MAP3K10: variants seen among roughly 807,000 people sequenced by gnomAD.
The protein encoded by MAP3K10 is mitogen-activated protein kinase kinase kinase 10.
Under a neutral mutation model 75.0 loss-of-function variants are expected in MAP3K10, and 22 were observed. The ratio of observed to expected loss-of-function variants is 0.29; its 90% CI spans 0.21 to 0.42. The LOEUF is 0.42. Ranked by LOEUF, MAP3K10 falls within the 10% of genes least tolerant of loss-of-function variation. The probability of loss-of-function intolerance (pLI) is 1.00; values close to 1 mark genes in which losing one functional copy is unlikely to be tolerated. For synonymous variants in MAP3K10, 599 were observed against 612.9 expected (o/e 0.98, Z 0.34); for missense variants, 1,165 against 1,379.8 (o/e 0.84, Z 2.47).
chr19:40,207,578 C>G (rs1010037159), intron 5 of MAP3K10, among the ~76,000 whole-genome samples: 7 of 151,866 alleles, frequency 4.6e-5, no homozygotes, highest in African/African-American at 1.7e-4. Context: ...TCTACTAAAA[C>G]TACAAAATTA....
At chr19:40,194,196 A>G (rs559903068) in intron 1 of MAP3K10, among the ~76,000 whole-genome samples, 156 of 152,220 alleles carry the variant, frequency 1.0e-3, no homozygotes, top group Non-Finnish European at 1.9e-3. Flanking sequence ...CCCCTTCTCT[A>G]CTAAAAATAC....
At chr19:40,195,009 C>T (rs1972880074) in intron 1 of MAP3K10, among the ~76,000 whole-genome samples, 1 of 152,100 alleles carries the variant, frequency 6.6e-6, no homozygotes, top group Non-Finnish European at 1.5e-5. Context: ...AAAGGGGACC[C>T]AGCTTTACAA....
Position 40,212,807 on chromosome 19 carries a change from A to G in MAP3K10, c.1555A>G (p.Thr519Ala). 1.3e-6 allele frequency: 2 copies of G among 1,586,960 alleles called. No individual in the cohort carries two copies. The highest frequency in any genetic ancestry group is 1.7e-6 in the Non-Finnish European group (2 of 1,167,966). The change falls in exon 7 of 10, where the codon ACT becomes GCT. Residue 519 changes from threonine (T) to alanine (A), a missense_variant and splice_region_variant. Thr to Ala is a moderately conservative substitution (Grantham distance 58). Transcript: ENST00000253055. The surrounding 1 kb of genome is among the most constrained non-coding windows in gnomAD (Gnocchi z 4.2). ...IIPRLRAIRLTPVDCGGSSSG... is the reference protein window; with the variant it reads ...IIPRLRAIRLAPVDCGGSSSG... ...CCAAGTGGCTTCTCTGGACCCAGTG[A>G]CTCCCGTGGACTGTGGTGGCAGCAG...
chr19:40,197,527 T>C (rs1259969262), intron 1 of MAP3K10, among the ~76,000 whole-genome samples: 4 of 152,182 alleles, frequency 2.6e-5, no homozygotes, highest in African/African-American at 9.7e-5. Context: ...GGTTTCACCA[T>C]GTTGGCCAGG....
At chr19:40,206,335 A>G in intron 5 of MAP3K10, 178 bp downstream of exon 5, 1 of 623,766 alleles carries the variant, frequency 1.6e-6, no homozygotes, top group African/African-American at 1.9e-5. Context: ...TCAGGAGGCC[A>G]AGGTGGGAGG....
intron 1 of MAP3K10, among the ~76,000 whole-genome samples, chr19:40,196,169 G>A (rs1288994336): frequency 6.6e-6 from 1 of 152,168 alleles, no homozygotes; most frequent in African/African-American, 2.4e-5. Flanking sequence ...AAGCAGGGCT[G>A]AGACTCAAAC....
rs1176751508 is a variant in MAP3K10, at chr19:40,198,527, C to T, written c.835C>T (p.Leu279Phe). 7 of 1,613,338 alleles carry T rather than the reference C, an allele frequency of 4.3e-6. No homozygotes were observed. Among genetic ancestry groups the T allele is most frequent in the Admixed American group, 1.7e-5 (1 of 59,926 alleles). ...WMAPEVIRLS[L>F]FSKSSDVWSF... ...GGCGCCGGAGGTTATCCGTCTCTCC[C>T]TCTTCTCCAAAAGCAGTGATGTCTG... The change falls in exon 2 of 10, where the codon CTC (leucine) becomes TTC (phenylalanine). Residue 279 changes from leucine (L) to phenylalanine (F), a missense_variant. Coordinates refer to ENST00000253055, the MANE Select transcript of MAP3K10 (RefSeq NM_002446.4). The surrounding 1 kb of genome is among the most constrained non-coding windows in gnomAD (Gnocchi z 4.3).
At chr19:40,208,345 C>CTTTCTTTTTTTT (rs1555756622) in intron 5 of MAP3K10, among the ~76,000 whole-genome samples, 13 of 55,916 alleles carry the variant, frequency 2.3e-4, no homozygotes, top group Admixed American at 5.6e-4. Flanking sequence ...CTCTTTCTTT[C>CTTTCTTTTTTTT]TTTTTTTTTT....
In MAP3K10 at chr19:40,191,985, G is replaced by C; in HGVS notation, c.-47G>C. On this transcript the variant is annotated 5_prime_UTR_variant, in exon 1 of 10. Transcript: ENST00000253055. ...CCGGGGCCCGCCCTCTGCATCCCGCGGGCAGCCTGTGTGAAGCGGCCTCCC... is the reference window on the plus strand; with the variant it reads ...CCGGGGCCCGCCCTCTGCATCCCGCCGGCAGCCTGTGTGAAGCGGCCTCCC... 6 of 1,295,598 alleles carry C rather than the reference G, an allele frequency of 4.6e-6. No individual in the cohort carries two copies. Among genetic ancestry groups the C allele is most frequent in the Non-Finnish European group, 6.1e-6 (6 of 989,912 alleles). 80.3% of individuals were successfully genotyped at this position (1,295,598 alleles called of 1,614,324 possible).
rs1162192652 is a variant in MAP3K10, at chr19:40,202,231, G to A, written c.864-2254G>A. Among the ~76,000 whole-genome samples, 34 of 152,092 alleles carry A rather than the reference G, an allele frequency of 2.2e-4. 1 individual carries two copies. The highest frequency in any genetic ancestry group is 8.0e-4 in the African/African-American group (33 of 41,412). ...AATTTTTTGTATTTTTAGTAGAGAC[G>A]GGGTTTCACCGTGCTAGCCAGGATG... On this transcript the variant is annotated intron_variant, in intron 2 of 9. Coordinates refer to ENST00000253055, the MANE Select transcript of MAP3K10 (RefSeq NM_002446.4).
chr19:40,200,911 G>A (rs1205732495), intron 2 of MAP3K10, among the ~76,000 whole-genome samples: 1 of 151,362 alleles, frequency 6.6e-6, no homozygotes, highest in Admixed American at 6.6e-5. Flanking sequence ...CACCCGGCCG[G>A]GCAGGCTAAT....
Position 40,213,154 on chromosome 19 carries a change from C to T in MAP3K10, c.1803C>T (p.Pro601=), listed in dbSNP as rs1198278801. 4 of 1,595,908 alleles carry T rather than the reference C, an allele frequency of 2.5e-6. No individual in the cohort carries two copies. The highest frequency in any genetic ancestry group is 3.4e-6 in the Non-Finnish European group (4 of 1,172,382). ...PNLGKSPKHT[P]IAPGFASLNE... is the part of the protein sequence containing the mutation. ...TGGGCAAGTCCCCCAAACACACACC[C>T]ATCGCCCCTGGCTTTGCCAGCCTCA... The change falls in exon 8 of 10, where the codon CCC becomes CCT. Residue 601 remains proline, a synonymous_variant. Coordinates refer to ENST00000253055, the MANE Select transcript of MAP3K10 (RefSeq NM_002446.4). This position sits in a 1 kb window ranked among gnomAD's most constrained non-coding sequence, Gnocchi z 5.7.
rs992556932 is a variant in MAP3K10 at position 40,213,010 on chromosome 19, C to G, written c.1724+34C>G. ...TGGTGTGGTCATGCCCACCCTGTGC[C>G]CAAGCCCCAGCTCCCAGGCTCCAGG... On this transcript the variant is annotated intron_variant, in intron 7 of 9. Coordinates refer to ENST00000253055, the MANE Select transcript of MAP3K10 (RefSeq NM_002446.4). The surrounding 1 kb of genome is among the most constrained non-coding windows in gnomAD (Gnocchi z 5.7). The G allele has an allele frequency of 2.5e-6, 4 of 1,591,988 alleles. No homozygotes were observed. The African/African-American group carries it at 5.4e-5, about 21-fold the overall frequency.
In MAP3K10 at chr19:40,213,092, G is replaced by T; in HGVS notation, c.1741G>T (p.Glu581Ter). The change falls in exon 8 of 10, where the codon GAA (glutamate) becomes TAA (stop). Residue 581 changes from glutamate to a stop codon, truncating the protein, a stop_gained. Coordinates refer to ENST00000253055, the MANE Select transcript of MAP3K10 (RefSeq NM_002446.4). LOFTEE classifies it high-confidence loss of function. The surrounding 1 kb of genome is among the most constrained non-coding windows in gnomAD (Gnocchi z 5.7). ...ACCCCGCAGGCTGAAGGGGCTGGGG[G>T]AAGGAAGCAAACAGTGGTCATCAAG... is the stretch of plus-strand genomic sequence containing the variant. The part of the protein sequence containing the change: ...GGEERLKGLG[E>*]GSKQWSSSAP... 6.2e-7 allele frequency: 1 copy of T among 1,606,740 alleles called. No individual in the cohort carries two copies. The highest frequency in any genetic ancestry group is 8.5e-7 in the Non-Finnish European group (1 of 1,177,296).
chr19:40,215,121 C>G lies in MAP3K10; in HGVS notation c.2694C>G (p.Pro898=). ...CTGCCAGTCGCCCCCGCTTGGACCC[C>G]TGGAAACTGGTCTCCTTCGGCCGGA... ...RPAASRPRLD[P]WKLVSFGRTL... is the part of the protein sequence containing the mutation. The change falls in exon 10 of 10, where the codon CCC becomes CCG. Residue 898 remains proline, a synonymous_variant. Coordinates refer to ENST00000253055, the MANE Select transcript of MAP3K10 (RefSeq NM_002446.4). 2 of 1,611,456 alleles carry G rather than the reference C, an allele frequency of 1.2e-6. No individual in the cohort carries two copies. Among genetic ancestry groups the G allele is most frequent in the South Asian group, 2.2e-5 (2 of 90,838 alleles).
At chr19:40,211,543 A>G (rs147064641) in intron 6 of MAP3K10, among the ~76,000 whole-genome samples, 48 of 147,608 alleles carry the variant, frequency 3.3e-4, no homozygotes, top group African/African-American at 1.1e-3. Flanking sequence ...CTACCCCCCA[A>G]CAGGCCCCAG....
rs1366867551 is a variant in MAP3K10, at chr19:40,191,953, C to G, written c.-79C>G. The G allele has an allele frequency of 4.7e-6, 5 of 1,053,868 alleles. No homozygotes were observed. The highest frequency in any genetic ancestry group is 6.5e-6 in the Non-Finnish European group (5 of 771,426). 65.3% of individuals were successfully genotyped at this position (1,053,868 alleles called of 1,614,324 possible). A position where few individuals can be genotyped will look rare whatever the true frequency, so the allele number is the denominator to read the frequency against. ...GACCCCGCAGGGACTGCCCTCCATCCCGGCCGCCGGGGCCCGCCCTCTGCA... is the reference window on the plus strand; with the variant it reads ...GACCCCGCAGGGACTGCCCTCCATCGCGGCCGCCGGGGCCCGCCCTCTGCA... On this transcript the variant is annotated 5_prime_UTR_variant, in exon 1 of 10. Coordinates refer to ENST00000253055, the MANE Select transcript of MAP3K10 (RefSeq NM_002446.4).
At chr19:40,203,270 C>T (rs757002123) in intron 2 of MAP3K10, among the ~76,000 whole-genome samples, 5 of 151,724 alleles carry the variant, frequency 3.3e-5, no homozygotes, top group Admixed American at 1.3e-4. Context: ...ACCCAAGAGG[C>T]GGAGGTTGCA....
intron 1 of MAP3K10, among the ~76,000 whole-genome samples, chr19:40,193,017 A>G (rs1157878138): frequency 6.6e-6 from 1 of 152,166 alleles, no homozygotes; most frequent in Non-Finnish European, 1.5e-5. Context: ...GCCTGCCTTC[A>G]AGGTGCTTGC....
Sources: allele counts gnomAD v4.1 joint callset (sites outside exome capture counted in the v4.1 genomes callset), GRCh38; gene constraint gnomAD v4.1.1; non-coding constraint Gnocchi (gnomAD v3.1); transcripts MANE v1.5; gene names NCBI Gene and HGNC (gene_info 2026-07-23, HGNC 2026-07-21).